C13orf46: variants seen among roughly 807,000 people sequenced by gnomAD.
C13orf46 encodes the protein uncharacterized protein C13orf46.
chr13:113,948,323 C>A, the C13orf46 span, among the ~76,000 whole-genome samples: 5 of 152,228 alleles, frequency 3.3e-5, no homozygotes, highest in Admixed American at 1.3e-4. Flanking sequence ...AAAGAGGAAA[C>A]TTCTATTTAT....
rs1277800525 is a variant in C13orf46, at chr13:113,956,421, G to A, written c.*352C>T. 1 of 145,688 alleles carries A rather than the reference G, an allele frequency of 6.9e-6. No individual in the cohort carries two copies. Among genetic ancestry groups the A allele is most frequent in the Non-Finnish European group, 1.5e-5 (1 of 67,702 alleles). 9.0% of individuals were successfully genotyped at this position (145,688 alleles called of 1,614,324 possible). A position where few individuals can be genotyped will look rare whatever the true frequency, so the allele number is the denominator to read the frequency against. ...GAGAGGAGGAGCATCTGGTGGAGAGGAGGAGCATCTTCCCGTGCTTGTTTA... is the reference window on the plus strand; with the variant it reads ...GAGAGGAGGAGCATCTGGTGGAGAGAAGGAGCATCTTCCCGTGCTTGTTTA... On this transcript the variant is annotated 3_prime_UTR_variant, in exon 7 of 7. Transcript: ENST00000636427.
chr13:113,935,617 C>G, the C13orf46 span, among the ~76,000 whole-genome samples: 1 of 152,242 alleles, frequency 6.6e-6, no homozygotes, highest in Non-Finnish European at 1.5e-5. Context: ...TGACATCTCC[C>G]TGGAAGGGCC....
intron 6 of C13orf46, among the ~76,000 whole-genome samples, chr13:113,958,548 G>A (rs1057493513): frequency 0.054 from 8,144 of 152,156 alleles, 658 homozygotes; most frequent in African/African-American, 0.18. Flanking sequence ...AGCCAAACAT[G>A]CCCTCGCACT....
intron 6 of C13orf46, among the ~76,000 whole-genome samples, chr13:113,957,307 C>T (rs2052544990): frequency 7.1e-6 from 1 of 141,294 alleles, no homozygotes; most frequent in Non-Finnish European, 1.5e-5. Flanking sequence ...CTGCACTCTG[C>T]ACCCCCTTTC....
the C13orf46 span, among the ~76,000 whole-genome samples, chr13:113,938,257 C>A: frequency 6.6e-6 from 1 of 152,196 alleles, no homozygotes; most frequent in Admixed American, 6.5e-5. Flanking sequence ...AGGTTCCTAT[C>A]TGCTGCTTTA....
the C13orf46 span, among the ~76,000 whole-genome samples, chr13:113,939,352 C>A: frequency 6.7e-6 from 1 of 148,494 alleles, no homozygotes; most frequent in Non-Finnish European, 1.5e-5. Flanking sequence ...ACAGAGACCA[C>A]CCGATGGGGA....
the C13orf46 span, among the ~76,000 whole-genome samples, chr13:113,936,705 C>T: frequency 3.3e-5 from 5 of 151,278 alleles, no homozygotes; most frequent in African/African-American, 1.2e-4. Flanking sequence ...TAGGCAAGGG[C>T]GCTTGCTGCT....
intron 2 of C13orf46, among the ~76,000 whole-genome samples, 169 bp downstream of exon 2, chr13:113,970,002 C>T (rs1180687651): frequency 5.9e-5 from 9 of 152,088 alleles, no homozygotes; most frequent in East Asian, 1.9e-4. Context: ...CCCAGCCCTC[C>T]CATCCAGGCC....
the C13orf46 span, among the ~76,000 whole-genome samples, chr13:113,940,256 A>G: frequency 1.3e-5 from 2 of 152,240 alleles, no homozygotes; most frequent in Non-Finnish European, 2.9e-5. Flanking sequence ...GGCCAGAGCC[A>G]GGTGGGCTCC....
chr13:113,940,006 G>T, the C13orf46 span, among the ~76,000 whole-genome samples: 1 of 152,192 alleles, frequency 6.6e-6, no homozygotes, highest in South Asian at 2.1e-4. Flanking sequence ...GACGCAGGGG[G>T]ACCAGGATGC....
At chr13:113,957,792 G>C (rs1377869602) in intron 6 of C13orf46, among the ~76,000 whole-genome samples, 1 of 132,164 alleles carries the variant, frequency 7.6e-6, no homozygotes, top group Non-Finnish European at 1.6e-5. Context: ...CACTCTGCCT[G>C]CACCCCCTTT....
chr13:113,946,907 T>G, the C13orf46 span, among the ~76,000 whole-genome samples: 1 of 152,108 alleles, frequency 6.6e-6, no homozygotes, highest in African/African-American at 2.4e-5. Flanking sequence ...ACAGCGGCGA[T>G]AGGAGAGGAA....
At chr13:113,951,777 C>T (rs958691014), downstream of C13orf46, among the ~76,000 whole-genome samples, 3 of 152,228 alleles carry the variant, frequency 2.0e-5, no homozygotes, top group Non-Finnish European at 4.4e-5. Flanking sequence ...TGCGAAACTC[C>T]ACGTAGAGAT....
At chr13:113,942,602 C>T in the C13orf46 span, among the ~76,000 whole-genome samples, 31 of 151,872 alleles carry the variant, frequency 2.0e-4, no homozygotes, top group Admixed American at 3.3e-4. Flanking sequence ...CCTGAGAACA[C>T]GAGACAGCAA....
the C13orf46 span, chr13:113,927,175 C>A: frequency 5.0e-6 from 1 of 200,120 alleles, no homozygotes; most frequent in Non-Finnish European, 1.0e-5. Context: ...GAAGCATTGG[C>A]CCCAACAGGC....
intron 6 of C13orf46, among the ~76,000 whole-genome samples, chr13:113,963,821 T>G (rs2052612370): frequency 1.3e-5 from 2 of 152,258 alleles, no homozygotes; most frequent in Non-Finnish European, 2.9e-5. Flanking sequence ...TTCCCGTTAT[T>G]GTAAATGACT....
chr13:113,960,180 C>G (rs941951580), intron 6 of C13orf46, among the ~76,000 whole-genome samples: 4 of 151,896 alleles, frequency 2.6e-5, no homozygotes, highest in African/African-American at 4.8e-5. Context: ...GGCGTGAACC[C>G]AGGAGGCGGA....
At chr13:113,935,869 C>T in the C13orf46 span, among the ~76,000 whole-genome samples, 1 of 152,244 alleles carries the variant, frequency 6.6e-6, no homozygotes, top group South Asian at 2.1e-4. Flanking sequence ...GGCCTAGTGT[C>T]AGCTAAAAAA....
chr13:113,947,277 T>C, the C13orf46 span, among the ~76,000 whole-genome samples: 1 of 151,642 alleles, frequency 6.6e-6, no homozygotes, highest in Non-Finnish European at 1.5e-5. Context: ...GGGAAGGGGG[T>C]TGGGGGAGGC....
Sources: allele counts gnomAD v4.1 joint callset (sites outside exome capture counted in the v4.1 genomes callset), GRCh38; gene constraint gnomAD v4.1.1; transcripts MANE v1.5; gene names NCBI Gene and HGNC (gene_info 2026-07-23, HGNC 2026-07-21).